Variants in PCDH9 observed in about 807,000 individuals in gnomAD.
PCDH9 encodes protocadherin 9, also known as protocadherin-9.
In PCDH9, 24 loss-of-function variants were observed where a neutral mutation model predicts 70.6. The observed-to-expected ratio is 0.34, with a 90% CI of 0.25 to 0.48. PCDH9 has a LOEUF of 0.48. Among genes scored for constraint, PCDH9 ranks in the 20% least tolerant of loss-of-function variants. PCDH9 has a pLI of 0.99. For synonymous variants in PCDH9, 562 were observed against 558.5 expected, an observed-to-expected ratio of 1.01 and a Z score of -0.09; for missense variants, 1,281 against 1,503.6, an observed-to-expected ratio of 0.85 and a Z score of 2.45.
chr13:66,585,965 A>C (rs920384542), intron 4 of PCDH9, among the ~76,000 whole-genome samples: 2 of 152,292 alleles, frequency 1.3e-5, no homozygotes, highest in African/African-American at 4.8e-5. Flanking sequence ...TTGGGTCAAG[A>C]CTATTGGGTT....
At chr13:66,370,729 G>T (rs1451330703) in intron 4 of PCDH9, among the ~76,000 whole-genome samples, 1 of 151,716 alleles carries the variant, frequency 6.6e-6, no homozygotes, top group Non-Finnish European at 1.5e-5. Flanking sequence ...GCCCAGCCTG[G>T]TCTCAAACTC....
At chr13:66,643,677 A>T (rs1442030465) in intron 3 of PCDH9, among the ~76,000 whole-genome samples, 1 of 152,090 alleles carries the variant, frequency 6.6e-6, no homozygotes, top group Non-Finnish European at 1.5e-5. Context: ...TAAAATGCTG[A>T]ATTGTACTAA....
At chr13:66,341,050 G>T (rs1346084994) in intron 4 of PCDH9, among the ~76,000 whole-genome samples, 1 of 152,098 alleles carries the variant, frequency 6.6e-6, no homozygotes, top group African/African-American at 2.4e-5. Context: ...TAAGTATTTA[G>T]AGTGCAAAGT....
Position 66,388,527 on chromosome 13 carries a change from G to C in PCDH9, c.3341-83499C>G, listed in dbSNP as rs561695607. Among the ~76,000 whole-genome samples, 3 of 152,054 alleles carry C rather than the reference G, an allele frequency of 2.0e-5. No individual in the cohort carries two copies. The South Asian group carries it at 6.2e-4, about 32-fold the overall frequency. On this transcript the variant is annotated intron_variant, in intron 4 of 4. Coordinates refer to ENST00000377865, the MANE Select transcript of PCDH9 (RefSeq NM_203487.3). ...GATGTGGTGGCTTTGAAAATTTATA[G>C]GGTTTATTTTTAACTTTGAGAAGTT...
intron 3 of PCDH9, among the ~76,000 whole-genome samples, chr13:66,871,200 G>A (rs1471484736): frequency 6.8e-6 from 1 of 146,884 alleles, no homozygotes; most frequent in East Asian, 2.0e-4. Flanking sequence ...AGATCACATG[G>A]ACACATGAAG....
intron 2 of PCDH9, among the ~76,000 whole-genome samples, chr13:67,043,861 T>C (rs1298780014): frequency 6.6e-6 from 1 of 152,136 alleles, no homozygotes; most frequent in Non-Finnish European, 1.5e-5. Flanking sequence ...AGGAGAGTAG[T>C]GCTGATTTTC....
At chr13:67,072,904 T>A (rs895929627) in intron 2 of PCDH9, among the ~76,000 whole-genome samples, 1 of 152,152 alleles carries the variant, frequency 6.6e-6, no homozygotes, top group Non-Finnish European at 1.5e-5. Context: ...GTATACAAGA[T>A]GATTCTCAAA....
At chr13:66,811,766 TC>T (rs1455148498) in intron 3 of PCDH9, among the ~76,000 whole-genome samples, 19 of 151,536 alleles carry the variant, frequency 1.3e-4, no homozygotes, top group Non-Finnish European at 7.4e-5. Context: ...TTTCTTTCTC[TC>T]TCTCTCTCTC....
chr13:66,339,357 T>C (rs1046234537), intron 4 of PCDH9, among the ~76,000 whole-genome samples: 1 of 152,204 alleles, frequency 6.6e-6, no homozygotes, highest in East Asian at 1.9e-4. Flanking sequence ...CTCAGCATAA[T>C]TTATTGTGAG....
intron 4 of PCDH9, among the ~76,000 whole-genome samples, chr13:66,391,746 TTA>T (rs1398700608): frequency 5.3e-5 from 8 of 151,908 alleles, no homozygotes; most frequent in Non-Finnish European, 1.0e-4. Flanking sequence ...AGGGCTCAGT[TTA>T]TGAGTGCCAT....
At position 66,844,400 on chromosome 13, in the gene PCDH9, C is replaced by T. The variant is rs183979350; in HGVS notation, c.3138+59104G>A. 2.0e-5 allele frequency among the ~76,000 whole-genome samples: 3 copies of T among 152,110 alleles called. No homozygotes were observed. The East Asian group carries it at 5.8e-4, about 30-fold the overall frequency. On this transcript the variant is annotated intron_variant, in intron 3 of 4. Coordinates refer to ENST00000377865, the MANE Select transcript of PCDH9 (RefSeq NM_203487.3). ...AGGAGTTCAAGACCAACCAGGCCAA[C>T]ATGGTGAAATCCTGTCTCTACTAAA...
intron 4 of PCDH9, among the ~76,000 whole-genome samples, chr13:66,417,021 T>C (rs1957473152): frequency 1.3e-5 from 2 of 152,292 alleles, no homozygotes; most frequent in South Asian, 2.1e-4. Flanking sequence ...TGGGTGACGA[T>C]GATAAATGAA....
chr13:66,828,117 T>G (rs1329611213), intron 3 of PCDH9, among the ~76,000 whole-genome samples: 2 of 151,578 alleles, frequency 1.3e-5, no homozygotes, highest in Non-Finnish European at 2.9e-5. Flanking sequence ...GCAAACAAAA[T>G]AAAAGAAAAA....
At chr13:66,338,138 C>T (rs543089573) in intron 4 of PCDH9, among the ~76,000 whole-genome samples, 1 of 152,232 alleles carries the variant, frequency 6.6e-6, no homozygotes, top group South Asian at 2.1e-4. Context: ...AATTGCAAAG[C>T]TTCTTAAAAC....
chr13:66,951,394 T>C (rs1323916), intron 2 of PCDH9, among the ~76,000 whole-genome samples: 2,151 of 152,228 alleles, frequency 0.014, 42 homozygotes, highest in African/African-American at 0.05. Context: ...TTTATTTTGT[T>C]TGTTTGTTTG....
chr13:66,887,925 T>C (rs1401203381), intron 3 of PCDH9, among the ~76,000 whole-genome samples: 2 of 152,202 alleles, frequency 1.3e-5, no homozygotes, highest in Non-Finnish European at 2.9e-5. Flanking sequence ...GGGATGATCA[T>C]ATGTATAATG....
chr13:66,505,550 C>T (rs1362364152), intron 4 of PCDH9, among the ~76,000 whole-genome samples: 1 of 151,792 alleles, frequency 6.6e-6, no homozygotes, highest in African/African-American at 2.4e-5. Context: ...AATTGGCTCA[C>T]AGTTCCATAT....
intron 3 of PCDH9, among the ~76,000 whole-genome samples, chr13:66,771,629 T>A (rs910156775): frequency 3.3e-5 from 5 of 152,166 alleles, no homozygotes; most frequent in African/African-American, 1.2e-4. Context: ...CGACCTGCGG[T>A]GAGGTAAGGA....
intron 3 of PCDH9, among the ~76,000 whole-genome samples, chr13:66,802,723 T>G (rs868779994): frequency 3.3e-5 from 5 of 152,144 alleles, no homozygotes; most frequent in Middle Eastern, 3.2e-3. Flanking sequence ...GTTTTTTATA[T>G]AGCATTGCAG....
Sources: gnomAD v4.1 joint callset for allele counts (sites outside exome capture counted in the v4.1 genomes callset) on GRCh38, gnomAD v4.1.1 for gene constraint, MANE v1.5 for transcripts, NCBI Gene and HGNC (gene_info 2026-07-23, HGNC 2026-07-21) for gene names.